CCDC32: variants seen among roughly 807,000 people sequenced by gnomAD.
CCDC32 encodes the protein coiled-coil domain-containing protein 32.
In CCDC32, 9 loss-of-function variants were observed where a neutral mutation model predicts 20.1. The observed-to-expected ratio is 0.45, with a 90% CI of 0.27 to 0.78. The LOEUF (loss-of-function observed/expected upper bound fraction) is 0.78, where lower values mean the gene tolerates loss of function less well. Among genes scored for constraint, CCDC32 ranks in the 30% least tolerant of loss-of-function variants. The pLI, the probability that CCDC32 is intolerant of heterozygous loss-of-function variation, is 0.16. For synonymous variants in CCDC32, 63 were observed against 79.0 expected (o/e 0.80, Z 1.07); for missense variants, 204 against 215.5 (o/e 0.95, Z 0.33).
At chr15:40,547,525 C>T (rs1024352962) in intron 3 of CCDC32, among the ~76,000 whole-genome samples, 2 of 152,144 alleles carry the variant, frequency 1.3e-5, no homozygotes, top group Non-Finnish European at 2.9e-5. Context: ...AGTGGACCTT[C>T]GCTTGAATCT....
At chr15:40,546,223 A>T (rs1377649545) in intron 3 of CCDC32, among the ~76,000 whole-genome samples, 23 of 142,792 alleles carry the variant, frequency 1.6e-4, no homozygotes, top group Non-Finnish European at 7.5e-5. Flanking sequence ...ATAGGGTCTC[A>T]CCCTGTCACC....
At chr15:40,532,434 T>C, downstream of CCDC32, 2 of 598,958 alleles carry the variant, frequency 3.3e-6, no homozygotes, top group South Asian at 2.0e-5. Context: ...AAGACACTTA[T>C]CAGGTAGTAT....
At chr15:40,539,764 C>T (rs2141608997) in intron 3 of CCDC32, among the ~76,000 whole-genome samples, 1 of 151,480 alleles carries the variant, frequency 6.6e-6, no homozygotes, top group East Asian at 2.0e-4. Context: ...ATTTGTTGGC[C>T]AGGCTGTTCC....
chr15:40,553,687 T>C lies in CCDC32; in HGVS notation c.*284A>G. 1 of 1,200,572 alleles carries C rather than the reference T, an allele frequency of 8.3e-7. No homozygotes were observed. The highest frequency in any genetic ancestry group is 4.5e-5 in the East Asian group (1 of 22,102). The allele number at this position is 1,200,572 out of a possible 1,614,324, so 74.4% of individuals were successfully genotyped here. A position where few individuals can be genotyped will look rare whatever the true frequency, so the allele number is the denominator to read the frequency against. Reference sequence around the variant, plus strand: ...CTGCAGAGACAGAGCTCAGCCAAGCTGTGAGACACAGAGGAAAGCAGCATT... The same window carrying C: ...CTGCAGAGACAGAGCTCAGCCAAGCCGTGAGACACAGAGGAAAGCAGCATT... On this transcript the variant is annotated 3_prime_UTR_variant, in exon 4 of 4. Transcript: ENST00000416810.
At chr15:40,547,832 C>T (rs1889684147) in intron 3 of CCDC32, among the ~76,000 whole-genome samples, 1 of 152,222 alleles carries the variant, frequency 6.6e-6, no homozygotes, top group Non-Finnish European at 1.5e-5. Flanking sequence ...AACAGTCCCT[C>T]CCTTTCCTGA....
intron 2 of CCDC32, among the ~76,000 whole-genome samples, chr15:40,560,394 TC>T (rs1890541461): frequency 6.6e-6 from 1 of 152,082 alleles, no homozygotes; most frequent in Non-Finnish European, 1.5e-5. Flanking sequence ...ACTAAAAACT[TC>T]CGTACAGCAA....
chr15:40,526,674 A>G (rs1466486220), downstream of CCDC32, among the ~76,000 whole-genome samples: 4 of 152,168 alleles, frequency 2.6e-5, no homozygotes, highest in African/African-American at 7.2e-5. Flanking sequence ...GCATTTTCGG[A>G]GGCCGAGGCG....
intron 1 of CCDC32, among the ~76,000 whole-genome samples, chr15:40,563,478 GAA>G (rs1403336977): frequency 6.6e-6 from 1 of 152,164 alleles, no homozygotes; most frequent in Non-Finnish European, 1.5e-5. Flanking sequence ...CATAGATACA[GAA>G]AATAGGATGG....
At chr15:40,533,413 G>A (rs1323359738), downstream of CCDC32, among the ~76,000 whole-genome samples, 1 of 152,044 alleles carries the variant, frequency 6.6e-6, no homozygotes, top group African/African-American at 2.4e-5. Context: ...GCAGTGGCGT[G>A]ATCTCAGCTC....
At chr15:40,536,918 A>T (rs150539330), downstream of CCDC32, 6 of 152,408 alleles carry the variant, frequency 3.9e-5, no homozygotes, top group East Asian at 1.2e-3. Context: ...AGCTTCACTT[A>T]TATGGTGGCA....
At chr15:40,528,415 C>T (rs900297976), downstream of CCDC32, among the ~76,000 whole-genome samples, 22 of 152,240 alleles carry the variant, frequency 1.4e-4, no homozygotes, top group African/African-American at 4.1e-4. Flanking sequence ...CTGGAGCTTG[C>T]GTGGAGCCAG....
At chr15:40,524,779 T>G (rs1894880367), downstream of CCDC32, among the ~76,000 whole-genome samples, 1 of 143,262 alleles carries the variant, frequency 7.0e-6, no homozygotes, top group East Asian at 2.0e-4. Context: ...GGAGACTGGG[T>G]CTTGTTCTGT....
chr15:40,521,653 T>C, the CCDC32 span, among the ~76,000 whole-genome samples: 1 of 152,244 alleles, frequency 6.6e-6, no homozygotes, highest in Non-Finnish European at 1.5e-5. Context: ...ACTCTTGTTA[T>C]TGTCTATCTT....
At chr15:40,534,803 A>G (rs749377920), downstream of CCDC32, 4 of 681,622 alleles carry the variant, frequency 5.9e-6, no homozygotes, top group South Asian at 1.6e-5. Flanking sequence ...TTCCATCTCC[A>G]TATACCATCA....
intron 2 of CCDC32, among the ~76,000 whole-genome samples, chr15:40,561,460 G>T (rs1890621722): frequency 6.7e-6 from 1 of 148,150 alleles, no homozygotes; most frequent in Non-Finnish European, 1.5e-5. Context: ...GCAACAGAAT[G>T]AGACTCCGTC....
chr15:40,528,937 C>T (rs906449569), intron 3 of CCDC32: 2 of 577,800 alleles, frequency 3.5e-6, no homozygotes, highest in Admixed American at 3.2e-5. Flanking sequence ...TGGTATTCAG[C>T]GCTCAGCATT....
At position 40,556,379 on chromosome 15, in the gene CCDC32, T is replaced by A. The variant is rs1315509766; in HGVS notation, c.401+837A>T. On this transcript the variant is annotated intron_variant, in intron 3 of 3. Coordinates refer to ENST00000416810, the MANE Select transcript of CCDC32 (RefSeq NM_001080792.4). ...TTAGGTATGTCTTTATATATATTTG[T>A]CATCTGCCCTCAAGTAGTTTTGAGG... Among the ~76,000 whole-genome samples the A allele has an allele frequency of 2.6e-5, 4 of 152,228 alleles. No individual in the cohort carries two copies. The East Asian group carries it at 7.7e-4, about 29-fold the overall frequency.
At chr15:40,521,170 T>C in the CCDC32 span, among the ~76,000 whole-genome samples, 1 of 152,136 alleles carries the variant, frequency 6.6e-6, no homozygotes, top group Non-Finnish European at 1.5e-5. Flanking sequence ...CCAGTGCAGT[T>C]CAAACCTGTG....
chr15:40,522,534 A>T, the CCDC32 span, among the ~76,000 whole-genome samples: 1 of 152,248 alleles, frequency 6.6e-6, no homozygotes, highest in African/African-American at 2.4e-5. Context: ...ATGAATCTGT[A>T]GATCATTTTG....
Sources: gnomAD v4.1 joint callset for allele counts (sites outside exome capture counted in the v4.1 genomes callset) on GRCh38, gnomAD v4.1.1 for gene constraint, MANE v1.5 for transcripts, NCBI Gene and HGNC (gene_info 2026-07-23, HGNC 2026-07-21) for gene names.